Variants in RNF175 observed in about 807,000 individuals in gnomAD.
RNF175 encodes the protein ring finger protein 175.
A neutral mutation model predicts 50.0 loss-of-function variants in RNF175; 38 were observed. The observed-to-expected ratio is 0.76, with a 90% CI of 0.59 to 1.00. The LOEUF (loss-of-function observed/expected upper bound fraction) is 1.00. Ranked by LOEUF, RNF175 falls within the 50% of genes least tolerant of loss-of-function variation. RNF175 has a pLI of 0.00. For missense variants in RNF175, 388 were observed against 409.6 expected, an observed-to-expected ratio of 0.95 and a Z score of 0.46; for synonymous variants, 155 against 146.1, an observed-to-expected ratio of 1.06 and a Z score of -0.44.
At chr4:153,712,980 C>G (rs1345672744) in intron 7 of RNF175, 1 of 157,134 alleles carries the variant, frequency 6.4e-6, no homozygotes, top group Non-Finnish European at 1.4e-5. Context: ...GTGCATTATT[C>G]TTTAGCTTCA....
At chr4:153,724,880 C>T (rs1412706490) in intron 4 of RNF175, among the ~76,000 whole-genome samples, 1 of 151,546 alleles carries the variant, frequency 6.6e-6, no homozygotes, top group East Asian at 1.9e-4. Context: ...GTGATCCTGC[C>T]CCAGGGGGGA....
At chr4:153,742,098 A>G (rs1002703055) in intron 3 of RNF175, among the ~76,000 whole-genome samples, 1 of 152,058 alleles carries the variant, frequency 6.6e-6, no homozygotes, top group Non-Finnish European at 1.5e-5. Flanking sequence ...AACATAGTGA[A>G]ACCCCGTCTC....
At chr4:153,710,910 A>G (rs11935252) in intron 8 of RNF175, among the ~76,000 whole-genome samples, 43,841 of 152,120 alleles carry the variant, frequency 0.29, 6,933 homozygotes, top group South Asian at 0.47. Context: ...GGTTCATCAG[A>G]TAAGAGAGAC....
At chr4:153,711,845 T>G (rs1737606303) in intron 8 of RNF175, among the ~76,000 whole-genome samples, 1 of 152,210 alleles carries the variant, frequency 6.6e-6, no homozygotes, top group Non-Finnish European at 1.5e-5. Context: ...GTTGCACACC[T>G]CTGATGTCTA....
chr4:153,713,315 T>G (rs1737714769), intron 7 of RNF175: 1 of 152,234 alleles, frequency 6.6e-6, no homozygotes, highest in South Asian at 2.1e-4. Context: ...TCCTAGACCA[T>G]GTGTTACCTG....
intron 1 of RNF175, among the ~76,000 whole-genome samples, chr4:153,753,236 G>A (rs1740385316): frequency 6.6e-6 from 1 of 152,182 alleles, no homozygotes; most frequent in Non-Finnish European, 1.5e-5. Flanking sequence ...CGGGCTCCTA[G>A]GGCGTCTAGA....
intron 4 of RNF175, among the ~76,000 whole-genome samples, chr4:153,723,703 C>T (rs1349563520): frequency 5.3e-5 from 8 of 152,104 alleles, no homozygotes; most frequent in African/African-American, 1.2e-4. Flanking sequence ...AATTTGTCTA[C>T]GTCCCTCATG....
intron 7 of RNF175, 28 bp from the exon 8 acceptor site, chr4:153,712,604 A>G: frequency 1.4e-6 from 2 of 1,425,644 alleles, no homozygotes; most frequent in Non-Finnish European, 2.0e-6. Flanking sequence ...GGAGGCTTCT[A>G]GATATGAAAA....
intron 1 of RNF175, among the ~76,000 whole-genome samples, chr4:153,755,822 T>C (rs7665691): frequency 0.034 from 5,167 of 152,246 alleles, 198 homozygotes; most frequent in Middle Eastern, 0.1. Flanking sequence ...AAAAGACCCA[T>C]ATTTTTATAT....
rs765492755 is a variant in RNF175, at chr4:153,715,654, A to G, written c.639T>C (p.Ser213=). 1.5e-5 allele frequency: 25 copies of G among 1,613,614 alleles called. No homozygotes were observed. The highest frequency in any genetic ancestry group is 1.9e-5 in the Non-Finnish European group (22 of 1,179,776). ...DYMASTIGFY[S]VSRLPTRSLS... is the part of the protein sequence containing the mutation. ...AGCTCCTTGTAGGCAACCGGCTGAC[A>G]CTGTAGAACTATCAGAGGAAATGGA... is the stretch of plus-strand genomic sequence containing the variant. Residue 213 remains serine, a synonymous_variant, in exon 7 of 9, where the codon AGT becomes AGC. Coordinates refer to ENST00000347063, the MANE Select transcript of RNF175 (RefSeq NM_173662.4).
intron 4 of RNF175, among the ~76,000 whole-genome samples, chr4:153,725,714 A>G (rs949293580): frequency 6.6e-6 from 1 of 152,178 alleles, no homozygotes; most frequent in East Asian, 1.9e-4. Flanking sequence ...ATGATTGCCT[A>G]ATTTATAACA....
At chr4:153,722,099 C>T (rs1030547197) in intron 5 of RNF175, among the ~76,000 whole-genome samples, 4 of 152,126 alleles carry the variant, frequency 2.6e-5, no homozygotes, top group Non-Finnish European at 5.9e-5. Context: ...GTTATGGTCC[C>T]AGAAGTTTAG....
intron 8 of RNF175, among the ~76,000 whole-genome samples, chr4:153,712,015 T>C (rs559325342): frequency 3.4e-4 from 52 of 152,220 alleles, no homozygotes; most frequent in Non-Finnish European, 7.1e-4. Context: ...TTTCTGGGAA[T>C]AATAAAATTT....
At chr4:153,723,748 C>A (rs899807729) in intron 4 of RNF175, among the ~76,000 whole-genome samples, 2 of 152,180 alleles carry the variant, frequency 1.3e-5, no homozygotes, top group Admixed American at 1.3e-4. Context: ...GGAATGGTTA[C>A]TCTTCCTGGG....
chr4:153,754,210 A>C (rs1229825687), intron 1 of RNF175, among the ~76,000 whole-genome samples: 1 of 151,034 alleles, frequency 6.6e-6, no homozygotes, highest in African/African-American at 2.4e-5. Flanking sequence ...TAACTGATTG[A>C]GTGAGTAGAC....
chr4:153,717,405 T>G (rs1327838496), intron 6 of RNF175, among the ~76,000 whole-genome samples: 1 of 152,116 alleles, frequency 6.6e-6, no homozygotes, highest in Non-Finnish European at 1.5e-5. Flanking sequence ...TAGAATGATA[T>G]TAGAAAACAA....
At chr4:153,723,524 T>C in intron 4 of RNF175, 66 bp from the exon 5 acceptor site, 3 of 703,424 alleles carry the variant, frequency 4.3e-6, no homozygotes, top group African/African-American at 1.8e-5. Flanking sequence ...AGAAACACAG[T>C]AATATTATAA....
At chr4:153,754,094 C>T (rs1365080184) in intron 1 of RNF175, among the ~76,000 whole-genome samples, 4 of 150,616 alleles carry the variant, frequency 2.7e-5, no homozygotes, top group East Asian at 4.0e-4. Context: ...GGTGTGAACC[C>T]GGGAGGTGGA....
intron 6 of RNF175, among the ~76,000 whole-genome samples, chr4:153,716,170 A>C (rs894773347): frequency 5.3e-5 from 8 of 152,022 alleles, no homozygotes; most frequent in Admixed American, 1.3e-4. Flanking sequence ...TAAGGTTTCC[A>C]GGCAAAAACT....
Sources: gnomAD v4.1 joint callset for allele counts (sites outside exome capture counted in the v4.1 genomes callset) on GRCh38, gnomAD v4.1.1 for gene constraint, MANE v1.5 for transcripts, NCBI Gene and HGNC (gene_info 2026-07-23, HGNC 2026-07-21) for gene names.